Variants in TDG observed in about 807,000 individuals in gnomAD.
The protein encoded by TDG is thymine DNA glycosylase.
In TDG, 23 loss-of-function variants were observed where a neutral mutation model predicts 46.1. That is an observed-to-expected ratio of 0.50 (90% CI 0.36 to 0.71). The LOEUF is 0.71. Among genes scored for constraint, TDG ranks in the 30% least tolerant of loss-of-function variants. TDG has a pLI of 0.00. For missense variants in TDG, 304 were observed against 486.7 expected (o/e 0.62, Z 3.53); for synonymous variants, 115 against 161.3 (o/e 0.71, Z 2.18).
At chr12:103,967,549 C>T (rs1215507421) in intron 1 of TDG, among the ~76,000 whole-genome samples, 3 of 151,260 alleles carry the variant, frequency 2.0e-5, no homozygotes, top group South Asian at 2.1e-4. Flanking sequence ...CTCCATCACC[C>T]GGGTTCAAGC....
In TDG at chr12:103,983,124, A is replaced by G. The variant is rs371584008; in HGVS notation, c.615-12A>G. The G allele has an allele frequency of 1.3e-6, 2 of 1,573,478 alleles. No individual in the cohort carries two copies. Among genetic ancestry groups the G allele is most frequent in the Non-Finnish European group, 1.7e-6 (2 of 1,166,630 alleles). ...TATTTATATTTTTGACTACTTTTTA[A>G]TTCAATTTTAGTAAAGAATTTCGTG... On this transcript the variant is annotated splice_polypyrimidine_tract_variant and intron_variant, in intron 5 of 9. Coordinates refer to ENST00000392872, the MANE Select transcript of TDG (RefSeq NM_003211.6).
chr12:103,984,957 G>A, intron 8 of TDG, 37 bp downstream of exon 8: 2 of 1,493,268 alleles, frequency 1.3e-6, no homozygotes, highest in Non-Finnish European at 1.8e-6. Context: ...TTCATTTTGT[G>A]TGTGTATATA....
intron 4 of TDG, among the ~76,000 whole-genome samples, 160 bp downstream of exon 4, chr12:103,981,122 T>C (rs1173084178): frequency 2.0e-5 from 3 of 151,886 alleles, no homozygotes; most frequent in African/African-American, 7.3e-5. Flanking sequence ...AATAAGAGAG[T>C]TTGAAATGAT....
intron 3 of TDG, chr12:103,980,309 T>A (rs917598080): frequency 2.0e-6 from 1 of 511,962 alleles, no homozygotes; most frequent in African/African-American, 2.0e-5. Context: ...ATAAGTCTTA[T>A]TAACCTTTCT....
At position 103,983,266 on chromosome 12, in the gene TDG, A is replaced by G. The variant is rs1300451297; in HGVS notation, c.698-29A>G. Reference sequence around the variant, plus strand: ...TTTTTTCTTTGCTAACATTATGGGCAATGTAAATATGTTTGTATTTCATTT... The same window carrying G: ...TTTTTTCTTTGCTAACATTATGGGCGATGTAAATATGTTTGTATTTCATTT... On this transcript the variant is annotated intron_variant, in intron 6 of 9. Coordinates refer to ENST00000392872, the MANE Select transcript of TDG (RefSeq NM_003211.6). The G allele has an allele frequency of 3.8e-6, 6 of 1,569,380 alleles. No individual in the cohort carries two copies. The South Asian group carries it at 4.8e-5, about 13-fold the overall frequency.
At chr12:103,976,049 A>G (rs1037552668) in intron 1 of TDG, among the ~76,000 whole-genome samples, 1 of 141,930 alleles carries the variant, frequency 7.0e-6, no homozygotes, top group Non-Finnish European at 1.6e-5. Flanking sequence ...CATTCAAACC[A>G]TAGCAGTGGC....
Position 103,982,880 on chromosome 12 carries a change from T to C in TDG, c.560T>C (p.Ile187Thr), listed in dbSNP as rs777449011. ...CACACTCTACCAGGGAAGTATGGTATTGGATTTACCAACATGGTGGAAAGG... is the reference window on the plus strand; with the variant it reads ...CACACTCTACCAGGGAAGTATGGTACTGGATTTACCAACATGGTGGAAAGG... ...DDHTLPGKYG[I>T]GFTNMVERTT... Residue 187 changes from isoleucine to threonine, a missense_variant, in exon 5 of 10, where the codon ATT becomes ACT. Physicochemically the swap from Ile to Thr is moderately conservative, Grantham distance 89 (BLOSUM62 -1). Transcript: ENST00000392872. The C allele has an allele frequency of 6.2e-7, 1 of 1,614,184 alleles. No homozygotes were observed. The highest frequency in any genetic ancestry group is 8.5e-7 in the Non-Finnish European group (1 of 1,180,038).
At position 103,966,005 on chromosome 12, in the gene TDG, AGGT is replaced by A; in HGVS notation, c.-30_-28del. 6.3e-7 allele frequency: 1 copy of A among 1,591,912 alleles called. No homozygotes were observed. The highest frequency in any genetic ancestry group is 8.5e-7 in the Non-Finnish European group (1 of 1,170,190). On this transcript the variant is annotated 5_prime_UTR_variant, in exon 1 of 10. Coordinates refer to ENST00000392872, the MANE Select transcript of TDG (RefSeq NM_003211.6). The stretch of plus-strand genomic sequence containing the variant: ...GAGACCGGCTGCCCGTGTGCCCGGC[AGGT>A]GGAGCCGCCCGCATCAGCGGCCTCG...
intron 1 of TDG, among the ~76,000 whole-genome samples, chr12:103,974,974 C>CAAA (rs34864393): frequency 5.2e-5 from 4 of 77,226 alleles, no homozygotes; most frequent in Non-Finnish European, 7.9e-5. Flanking sequence ...GACTCCGTCT[C>CAAA]AAAAAAAAAA....
chr12:103,982,353 A>G (rs1871880999), intron 4 of TDG, among the ~76,000 whole-genome samples: 1 of 152,328 alleles, frequency 6.6e-6, no homozygotes, highest in African/African-American at 2.4e-5. Flanking sequence ...TGGTGGTATC[A>G]CCAATTGTAA....
chr12:103,978,166 C>T (rs561146855), intron 2 of TDG, among the ~76,000 whole-genome samples: 1 of 151,600 alleles, frequency 6.6e-6, no homozygotes, highest in African/African-American at 2.4e-5. Context: ...CTGAGGAGGA[C>T]CTGAAGGGGT....
In TDG at chr12:103,966,058, C is replaced by T. The variant is rs1223020111; in HGVS notation, c.21C>T (p.Gly7=). ...GGGGAATGGAAGCGGAGAACGCGGG[C>T]AGGTAATACCGGGGCCAGCGCCGCC... The part of the protein sequence containing the change: MEAENA[G]SYSLQQAQAF... Residue 7 remains glycine, a splice_region_variant and synonymous_variant, in exon 1 of 10, where the codon GGC becomes GGT. Transcript: ENST00000392872. The T allele has an allele frequency of 3.1e-6, 5 of 1,589,716 alleles. No individual in the cohort carries two copies. Among genetic ancestry groups the T allele is most frequent in the Admixed American group, 3.5e-5 (2 of 57,128 alleles).
Position 103,965,885 on chromosome 12 carries a change from A to T in TDG, c.-153A>T. 8.2e-7 allele frequency: 1 copy of T among 1,220,908 alleles called. No homozygotes were observed. The highest frequency in any genetic ancestry group is 1.1e-6 in the Non-Finnish European group (1 of 889,408). 75.6% of individuals were successfully genotyped at this position (1,220,908 alleles called of 1,614,324 possible). A position where few individuals can be genotyped will look rare whatever the true frequency, so the allele number is the denominator to read the frequency against. On this transcript the variant is annotated 5_prime_UTR_variant, in exon 1 of 10. Coordinates refer to ENST00000392872, the MANE Select transcript of TDG (RefSeq NM_003211.6). ...GTGGGGGACGGTAGAAGCCTGGAGG[A>T]GGAGCTTGAGTCCAGCCACTGTCTG...
chr12:103,982,757 C>G (rs781741445), intron 4 of TDG, 42 bp from the exon 5 acceptor site: 8 of 1,599,660 alleles, frequency 5.0e-6, no homozygotes, highest in Admixed American at 1.7e-5. Flanking sequence ...AGAGCGAGAC[C>G]CTGTCTAAAA....
At chr12:103,977,555 T>C (rs1343930354) in intron 2 of TDG, among the ~76,000 whole-genome samples, 1 of 152,148 alleles carries the variant, frequency 6.6e-6, no homozygotes, top group Non-Finnish European at 1.5e-5. Context: ...TCTGTGTCCT[T>C]GGAGTCTGGG....
rs770879847 is a variant in TDG, at chr12:103,976,926, T to A, written c.32T>A (p.Leu11His). The change falls in exon 2 of 10, where the codon CTT becomes CAT. Residue 11 changes from leucine (L) to histidine (H), a missense_variant. Leu to His is a moderately conservative substitution (Grantham distance 99). Coordinates refer to ENST00000392872, the MANE Select transcript of TDG (RefSeq NM_003211.6). MEAENAGSYSLQQAQAFYTFP... is the reference protein window; with the variant it reads MEAENAGSYSHQQAQAFYTFP... ...CTTCATTATTCTTTCAGCTATTCCC[T>A]TCAGCAAGCTCAAGCTTTTTATACG... 2.5e-6 allele frequency: 4 copies of A among 1,613,662 alleles called. No individual in the cohort carries two copies. The Admixed American group carries it at 5.0e-5, about 20-fold the overall frequency.
At chr12:103,986,747 C>T (rs4135139) in intron 9 of TDG, 276 of 490,804 alleles carry the variant, frequency 5.6e-4, no homozygotes, top group African/African-American at 4.6e-3. Context: ...TAAGCTGATA[C>T]GGTGGCTCAC....
At position 103,980,908 on chromosome 12, in the gene TDG, G is replaced by A. The variant is rs993914826; in HGVS notation, c.424G>A (p.Gly142Arg). The A allele has an allele frequency of 6.2e-7, 1 of 1,613,518 alleles. No individual in the cohort carries two copies. Among genetic ancestry groups the A allele is most frequent in the African/African-American group, 1.3e-5 (1 of 74,882 alleles). The change falls in exon 4 of 10, where the codon GGA (glycine) becomes AGA (arginine). Residue 142 changes from glycine to arginine, a missense_variant. By Grantham distance (125) the Gly-to-Arg change is moderately radical. Transcript: ENST00000392872. Reference sequence around the variant, plus strand: ...TGTTTTATAGATTGGCATAAACCCGGGACTAATGGCTGCTTACAAAGGGCA... The same window carrying A: ...TGTTTTATAGATTGGCATAAACCCGAGACTAATGGCTGCTTACAAAGGGCA... ...LDIVIIGINP[G>R]LMAAYKGHHY... is the part of the protein sequence containing the mutation.
At chr12:103,981,473 G>A (rs1392110296) in intron 4 of TDG, among the ~76,000 whole-genome samples, 1 of 151,986 alleles carries the variant, frequency 6.6e-6, no homozygotes, top group Non-Finnish European at 1.5e-5. Flanking sequence ...GGCCTCAGGT[G>A]ATCTGCCCAC....
Sources: allele counts gnomAD v4.1 joint callset (sites outside exome capture counted in the v4.1 genomes callset), GRCh38; gene constraint gnomAD v4.1.1; transcripts MANE v1.5; gene names NCBI Gene and HGNC (gene_info 2026-07-23, HGNC 2026-07-21).